THSD7B: variants seen among roughly 807,000 people sequenced by gnomAD.
THSD7B encodes thrombospondin type-1 domain-containing protein 7B.
In THSD7B, 138 loss-of-function variants were observed where a neutral mutation model predicts 213.6. The ratio of observed to expected loss-of-function variants is 0.65; its 90% CI spans 0.56 to 0.74. THSD7B has a LOEUF of 0.74. THSD7B is among the 30% of genes least tolerant of loss of function. THSD7B has a pLI of 0.00. For synonymous variants in THSD7B, 742 were observed against 687.0 expected, an observed-to-expected ratio of 1.08 and a Z score of -1.25; for missense variants, 1,931 against 1,991.5, an observed-to-expected ratio of 0.97 and a Z score of 0.58.
intron 12 of THSD7B, among the ~76,000 whole-genome samples, chr2:137,332,647 A>T (rs1439022897): frequency 1.3e-5 from 2 of 152,168 alleles, no homozygotes; most frequent in Non-Finnish European, 2.9e-5. Flanking sequence ...TTCCACTCAA[A>T]TCTCATCTCA....
rs969442357 is a variant in THSD7B at position 137,645,626 on chromosome 2, A to T, written c.3945+2993A>T. 1.1e-4 allele frequency among the ~76,000 whole-genome samples: 17 copies of T among 152,112 alleles called. 1 individual carries two copies. The highest frequency in any genetic ancestry group is 6.6e-4 in the Admixed American group (10 of 15,256). On this transcript the variant is annotated intron_variant, in intron 21 of 27. Transcript: ENST00000409968. The stretch of plus-strand genomic sequence containing the variant: ...CTTAGTTTTTAAAGTGATCTGCAGC[A>T]TAAGTTTGTTTCCTGTTATTTCTTC...
intron 17 of THSD7B, among the ~76,000 whole-genome samples, chr2:137,584,877 T>G (rs1681682989): frequency 6.6e-6 from 1 of 152,214 alleles, no homozygotes. Flanking sequence ...GATTCCCTCT[T>G]TTTCTATTGA....
chr2:137,068,285 A>T (rs560809360), intron 3 of THSD7B, among the ~76,000 whole-genome samples: 1 of 152,264 alleles, frequency 6.6e-6, no homozygotes, highest in East Asian at 1.9e-4. Flanking sequence ...CAGCGTATTG[A>T]ACCAAAGCAT....
intron 2 of THSD7B, among the ~76,000 whole-genome samples, chr2:136,983,381 T>A (rs7574223): frequency 0.014 from 185 of 13,684 alleles, 5 homozygotes; most frequent in Admixed American, 0.033. Context: ...GCACACACAC[T>A]CACTCTCTCT....
At chr2:137,089,199 A>G (rs115523037) in intron 3 of THSD7B, among the ~76,000 whole-genome samples, 14,093 of 151,580 alleles carry the variant, frequency 0.093, 739 homozygotes, top group East Asian at 0.17. Flanking sequence ...TGCAAAATGT[A>G]GAACCAACCC....
intron 2 of THSD7B, among the ~76,000 whole-genome samples, chr2:136,943,979 G>A (rs1417243065): frequency 1.3e-5 from 2 of 152,100 alleles, no homozygotes; most frequent in Admixed American, 1.3e-4. Context: ...ATGTTAGGGT[G>A]TCAATTTTAG....
rs191685475 is a variant in THSD7B at position 137,140,788 on chromosome 2, G to A, written c.1370-19425G>A. Among the ~76,000 whole-genome samples the A allele has an allele frequency of 7.4e-4, 113 of 152,246 alleles. 1 individual carries two copies. The highest frequency in any genetic ancestry group is 2.7e-3 in the African/African-American group (113 of 41,546). On this transcript the variant is annotated intron_variant, in intron 5 of 27. Coordinates refer to ENST00000409968, the MANE Select transcript of THSD7B (RefSeq NM_001316349.2). ...GTCTTTTTAGTAGTATTTATGTTCT[G>A]ATGGGAAGGGAGATAAAATGGATTA...
chr2:137,399,001 C>T (rs1317080228), intron 12 of THSD7B, among the ~76,000 whole-genome samples: 2 of 152,138 alleles, frequency 1.3e-5, no homozygotes, highest in Non-Finnish European at 2.9e-5. Context: ...CCAAGTGAGG[C>T]AATGCCTCGC....
intron 15 of THSD7B, among the ~76,000 whole-genome samples, chr2:137,554,029 T>A (rs1680902418): frequency 2.3e-5 from 1 of 43,664 alleles, no homozygotes; most frequent in African/African-American, 1.1e-4. Context: ...ATAGCTACTT[T>A]TTTTTTTTTT....
At chr2:136,866,774 G>GTATTTGT (rs1385047957) in intron 1 of THSD7B, among the ~76,000 whole-genome samples, 1 of 152,186 alleles carries the variant, frequency 6.6e-6, no homozygotes, top group African/African-American at 2.4e-5. Context: ...ATTGGCAACA[G>GTATTTGT]TCTGGAAAGT....
chr2:137,627,908 G>A (rs956410801), intron 20 of THSD7B, among the ~76,000 whole-genome samples: 5 of 152,188 alleles, frequency 3.3e-5, no homozygotes, highest in Non-Finnish European at 7.3e-5. Flanking sequence ...GAGGCAGTCA[G>A]GCATGGTTTC....
chr2:136,971,230 T>C (rs2104799657), intron 2 of THSD7B, among the ~76,000 whole-genome samples: 1 of 152,298 alleles, frequency 6.6e-6, no homozygotes, highest in East Asian at 1.9e-4. Context: ...TGAAGGGTAC[T>C]GTTAATTTAA....
chr2:137,386,032 T>C (rs142911237), intron 12 of THSD7B, among the ~76,000 whole-genome samples: 1 of 152,330 alleles, frequency 6.6e-6, no homozygotes, highest in East Asian at 1.9e-4. Context: ...AGAAGTCTTA[T>C]CAAAGGGGAA....
At chr2:136,784,129 A>G (rs1681795066) in intron 1 of THSD7B, among the ~76,000 whole-genome samples, 1 of 152,206 alleles carries the variant, frequency 6.6e-6, no homozygotes, top group African/African-American at 2.4e-5. Context: ...TTCAAATCAC[A>G]GTAGCAATAT....
intron 15 of THSD7B, among the ~76,000 whole-genome samples, chr2:137,562,039 AT>A (rs1191351612): frequency 6.6e-6 from 1 of 152,126 alleles, no homozygotes; most frequent in Non-Finnish European, 1.5e-5. Flanking sequence ...ACTTTTTCTC[AT>A]TTGATTTTTA....
At chr2:137,675,666 G>A (rs1322137925) in intron 27 of THSD7B, among the ~76,000 whole-genome samples, 1 of 152,034 alleles carries the variant, frequency 6.6e-6, no homozygotes, top group Non-Finnish European at 1.5e-5. Context: ...TTGGCACTTA[G>A]TATGCATCGA....
chr2:137,543,900 G>C (rs1403514543), intron 15 of THSD7B, among the ~76,000 whole-genome samples: 1 of 151,578 alleles, frequency 6.6e-6, no homozygotes, highest in Non-Finnish European at 1.5e-5. Flanking sequence ...TAGTCATTAG[G>C]GAAATATAAA....
intron 2 of THSD7B, among the ~76,000 whole-genome samples, chr2:137,033,385 G>C (rs1452456248): frequency 3.9e-5 from 6 of 152,184 alleles, no homozygotes; most frequent in African/African-American, 1.4e-4. Context: ...CTAACACAGT[G>C]AGCAGAAGTG....
intron 2 of THSD7B, among the ~76,000 whole-genome samples, chr2:137,032,542 T>C (rs1054575300): frequency 6.6e-6 from 1 of 152,202 alleles, no homozygotes; most frequent in Non-Finnish European, 1.5e-5. Context: ...CCTCTCTCTC[T>C]CAGAATAGCC....
Sources: allele counts gnomAD v4.1 joint callset (sites outside exome capture counted in the v4.1 genomes callset), GRCh38; gene constraint gnomAD v4.1.1; transcripts MANE v1.5; gene names NCBI Gene and HGNC (gene_info 2026-07-23, HGNC 2026-07-21).